The following NCOA6 variants were observed in gnomAD, a reference collection of about 807,000 sequenced individuals.
The protein encoded by NCOA6 is nuclear receptor coactivator 6, also known as NRC RAP250.
A neutral mutation model predicts 171.4 loss-of-function variants in NCOA6; 49 were observed. The ratio of observed to expected loss-of-function variants is 0.29; its 90% CI spans 0.23 to 0.36. The LOEUF is 0.36. Ranked by LOEUF, NCOA6 falls within the 10% of genes least tolerant of loss-of-function variation. NCOA6 has a pLI of 1.00. For synonymous variants in NCOA6, 910 were observed against 927.5 expected (o/e 0.98, Z 0.34); for missense variants, 2,248 against 2,554.5 (o/e 0.88, Z 2.59).
chr20:34,802,236 G>C, intron 1 of NCOA6, among the ~76,000 whole-genome samples: 1 of 152,226 alleles, frequency 6.6e-6, no homozygotes, highest in East Asian at 1.9e-4. Context: ...GGAGGCCAAG[G>C]CAGGCAGATC....
In NCOA6 at chr20:34,806,556, T is replaced by C. The variant is rs1485063903; in HGVS notation, c.-163-13993A>G. On this transcript the variant is annotated intron_variant, in intron 1 of 14. Transcript: ENST00000359003. ...GTTTCAGGTCTTACATTTAAGTCTT[T>C]AGCTCATTTTGAGTTGATTTTTGTA... Among the ~76,000 whole-genome samples the C allele has an allele frequency of 2.6e-5, 4 of 152,250 alleles. No individual in the cohort carries two copies. In the East Asian group the frequency reaches 5.8e-4, roughly 22 times the overall value.
In NCOA6 at chr20:34,750,191, T is replaced by C. The variant is rs200492130; in HGVS notation, c.2004A>G (p.Gln668=). The C allele has an allele frequency of 4.3e-6, 7 of 1,611,436 alleles. No individual in the cohort carries two copies. In the East Asian group the frequency reaches 6.7e-5, roughly 15 times the overall value. ...TCCTTTGGGGCGAGGGCCCAAGATT[T>C]TGGCTCGGGGGGTTCACCATCATCT... ...QGQMMVNPPS[Q]NLGPSPQRMT... is the part of the protein sequence containing the mutation. Residue 668 remains glutamine (Q), a synonymous_variant, in exon 9 of 15, where the codon CAA becomes CAG. Transcript: ENST00000359003.
intron 8 of NCOA6, among the ~76,000 whole-genome samples, chr20:34,753,450 A>G (rs1193784404): frequency 6.6e-6 from 1 of 151,858 alleles, no homozygotes; most frequent in East Asian, 2.0e-4. Context: ...TCATGAGGTC[A>G]GGAGTTCAAA....
intron 9 of NCOA6, among the ~76,000 whole-genome samples, chr20:34,747,438 T>C (rs2076341860): frequency 6.6e-6 from 1 of 152,220 alleles, no homozygotes; most frequent in Non-Finnish European, 1.5e-5. Flanking sequence ...CACAAAGATT[T>C]TGCTGCAGAA....
Position 34,750,187 on chromosome 20 carries a change from G to C in NCOA6, c.2008C>G (p.Leu670Val). 3 of 1,611,648 alleles carry C rather than the reference G, an allele frequency of 1.9e-6. No individual in the cohort carries two copies. Among genetic ancestry groups the C allele is most frequent in the Non-Finnish European group, 2.5e-6 (3 of 1,178,664 alleles). ...GTCATCCTTTGGGGCGAGGGCCCAA[G>C]ATTTTGGCTCGGGGGGTTCACCATC... is the stretch of plus-strand genomic sequence containing the variant. ...QMMVNPPSQN[L>V]GPSPQRMTPP... Residue 670 changes from leucine (L) to valine (V), a missense_variant, in exon 9 of 15, where the codon CTT (leucine) becomes GTT (valine). By Grantham distance (32) the Leu-to-Val change is conservative. Around this residue, in one of 7 missense-constraint regions of NCOA6, gnomAD observed 987 missense variants for 1,104.7 expected, o/e 0.89. Coordinates refer to ENST00000359003, the MANE Select transcript of NCOA6 (RefSeq NM_014071.5).
At chr20:34,809,360 T>A (rs543330244) in intron 1 of NCOA6, 2 of 397,246 alleles carry the variant, frequency 5.0e-6, no homozygotes, top group South Asian at 1.3e-4. Flanking sequence ...TGCCTCCTTT[T>A]TAAAAAGTAA....
At chr20:34,756,560 C>G (rs1410099448) in intron 7 of NCOA6, among the ~76,000 whole-genome samples, 1 of 152,194 alleles carries the variant, frequency 6.6e-6, no homozygotes, top group Non-Finnish European at 1.5e-5. Context: ...ATAAGTTTTA[C>G]TGTAATCGTT....
At chr20:34,792,379 A>T (rs1223065235) in intron 2 of NCOA6, 71 bp downstream of exon 2, 1 of 390,282 alleles carries the variant, frequency 2.6e-6, no homozygotes, top group Non-Finnish European at 4.5e-6. Flanking sequence ...GAGAGACAGT[A>T]TCAGAAAAAA....
chr20:34,783,467 T>TA (rs970936289), intron 2 of NCOA6, among the ~76,000 whole-genome samples: 4 of 152,342 alleles, frequency 2.6e-5, no homozygotes, highest in African/African-American at 9.6e-5. Context: ...TTTCCTCTGT[T>TA]AGTTTGGGGA....
At chr20:34,733,548 T>A (rs996129362) in intron 12 of NCOA6, among the ~76,000 whole-genome samples, 2 of 152,166 alleles carry the variant, frequency 1.3e-5, no homozygotes, top group African/African-American at 4.8e-5. Context: ...ATGGGAATAA[T>A]CACATTACCC....
At chr20:34,722,550 C>A (rs1055859951) in intron 14 of NCOA6, among the ~76,000 whole-genome samples, 2 of 151,706 alleles carry the variant, frequency 1.3e-5, no homozygotes, top group African/African-American at 4.8e-5. Context: ...CATGGTGATG[C>A]ACACCTGTAG....
At chr20:34,731,506 T>C (rs1347973749) in intron 13 of NCOA6, among the ~76,000 whole-genome samples, 1 of 152,264 alleles carries the variant, frequency 6.6e-6, no homozygotes, top group Non-Finnish European at 1.5e-5. Context: ...CAGAATTTAC[T>C]TTCCTAATAG....
At chr20:34,736,600 G>C in intron 12 of NCOA6, 90 bp downstream of exon 12, 2 of 1,080,416 alleles carry the variant, frequency 1.9e-6, no homozygotes, top group Non-Finnish European at 2.7e-6. Context: ...GTCACTTCCT[G>C]GCATAAGAAC....
chr20:34,808,541 C>T lies in NCOA6; in HGVS notation c.-163-15978G>A, dbSNP rs1283013014. Among the ~76,000 whole-genome samples the T allele has an allele frequency of 1.2e-4, 18 of 150,840 alleles. 1 individual carries two copies. The highest frequency in any genetic ancestry group is 2.9e-5 in the Non-Finnish European group (2 of 67,880). ...GCAACCTCTGCCTCCCGGATTCAAG[C>T]GATTCTCCTGCCTCAGCCTCCCGAG... On this transcript the variant is annotated intron_variant, in intron 1 of 14. Coordinates refer to ENST00000359003, the MANE Select transcript of NCOA6 (RefSeq NM_014071.5).
At chr20:34,717,117 G>C (rs1988700120) in intron 14 of NCOA6, among the ~76,000 whole-genome samples, 2 of 152,144 alleles carry the variant, frequency 1.3e-5, no homozygotes, top group South Asian at 4.1e-4. Flanking sequence ...AGATTGTAAG[G>C]AAAAATTTCA....
At chr20:34,778,612 G>A (rs1568837463) in intron 3 of NCOA6, among the ~76,000 whole-genome samples, 1 of 151,538 alleles carries the variant, frequency 6.6e-6, no homozygotes. Flanking sequence ...ATTTTTAGTA[G>A]AGACGGGGTT....
Position 34,722,364 on chromosome 20 carries a change from G to A in NCOA6, c.6148+4895C>T, listed in dbSNP as rs535588736. On this transcript the variant is annotated intron_variant, in intron 14 of 14. Transcript: ENST00000359003. ...CCATTGCACTCCAGCCTGGGCGATG[G>A]AGTGAGACTCCGTCTAAAAATAAAT... is the stretch of plus-strand genomic sequence containing the variant. Among the ~76,000 whole-genome samples the A allele has an allele frequency of 1.5e-4, 23 of 151,740 alleles. 1 individual carries two copies. In the South Asian group the frequency reaches 4.8e-3, roughly 32 times the overall value.
At chr20:34,784,453 T>C (rs1022883822) in intron 2 of NCOA6, among the ~76,000 whole-genome samples, 2 of 152,064 alleles carry the variant, frequency 1.3e-5, no homozygotes, top group Non-Finnish European at 2.9e-5. Context: ...CTCAAACTCT[T>C]AGGCTCAGGT....
rs781568636 is a variant in NCOA6, at chr20:34,749,468, G to T, written c.2727C>A (p.Thr909=). The change falls in exon 9 of 15, where the codon ACC becomes ACA. Residue 909 remains threonine, a synonymous_variant. Transcript: ENST00000359003. The part of the protein sequence containing the change: ...HFGVNNKQNN[T]NANKPKKKKP... Reference sequence around the variant, plus strand: ...TCTTCTTCTTCGGTTTATTTGCGTTGGTATTATTTTGCTTATTGTTTACCC... The same window carrying T: ...TCTTCTTCTTCGGTTTATTTGCGTTTGTATTATTTTGCTTATTGTTTACCC... 6.2e-7 allele frequency: 1 copy of T among 1,613,890 alleles called. No homozygotes were observed. Among genetic ancestry groups the T allele is most frequent in the South Asian group, 1.1e-5 (1 of 91,042 alleles).
Sources: gnomAD v4.1 joint callset for allele counts (sites outside exome capture counted in the v4.1 genomes callset) on GRCh38, gnomAD v4.1.1 for gene constraint, gnomAD v4.1.1 regional missense constraint, MANE v1.5 for transcripts, NCBI Gene and HGNC (gene_info 2026-07-23, HGNC 2026-07-21) for gene names.